NUDCD3: variants seen among roughly 807,000 people sequenced by gnomAD.
NUDCD3 encodes the protein nudC domain-containing protein 3.
In NUDCD3, 13 loss-of-function variants were observed where a neutral mutation model predicts 39.7. The observed-to-expected ratio is 0.33, with a 90% CI of 0.21 to 0.52. NUDCD3 has a LOEUF of 0.52. Among genes scored for constraint, NUDCD3 ranks in the 20% least tolerant of loss-of-function variants. The pLI, the probability that NUDCD3 is intolerant of heterozygous loss-of-function variation, is 0.96. For missense variants in NUDCD3, 453 were observed against 458.1 expected (o/e 0.99, Z 0.10); for synonymous variants, 175 against 172.4 (o/e 1.02, Z -0.12).
intron 2 of NUDCD3, among the ~76,000 whole-genome samples, chr7:44,439,962 ATATT>A (rs1384304036): frequency 2.6e-5 from 4 of 152,200 alleles, no homozygotes; most frequent in East Asian, 3.8e-4. Context: ...TTCCCCCAAA[ATATT>A]TATCAATTCC....
intron 3 of NUDCD3, among the ~76,000 whole-genome samples, chr7:44,417,537 G>C (rs1334708683): frequency 2.6e-5 from 4 of 152,224 alleles, no homozygotes; most frequent in African/African-American, 9.6e-5. Context: ...TCATAGAGCA[G>C]TTCAGAAGAC....
At chr7:44,439,502 T>C (rs2116919926) in intron 2 of NUDCD3, among the ~76,000 whole-genome samples, 1 of 151,914 alleles carries the variant, frequency 6.6e-6, no homozygotes, top group African/African-American at 2.4e-5. Flanking sequence ...CCCTGGACAA[T>C]TCCTTTGGAC....
chr7:44,434,442 G>A (rs1046418424), intron 2 of NUDCD3, among the ~76,000 whole-genome samples: 1 of 152,090 alleles, frequency 6.6e-6, no homozygotes, highest in Non-Finnish European at 1.5e-5. Context: ...CTAGAGGGTG[G>A]TGCCTCCCTG....
intron 2 of NUDCD3, among the ~76,000 whole-genome samples, chr7:44,441,668 A>G (rs932490985): frequency 6.6e-6 from 1 of 152,112 alleles, no homozygotes; most frequent in African/African-American, 2.4e-5. Flanking sequence ...CCCACACATC[A>G]GAGCCGGCCC....
At chr7:44,450,122 G>A (rs181347154) in intron 2 of NUDCD3, among the ~76,000 whole-genome samples, 1 of 151,778 alleles carries the variant, frequency 6.6e-6, no homozygotes, top group East Asian at 1.9e-4. Flanking sequence ...TTGCTTATTA[G>A]GGAACTGCAA....
chr7:44,402,958 G>T, intron 4 of NUDCD3: 1 of 239,048 alleles, frequency 4.2e-6, no homozygotes, highest in Non-Finnish European at 8.6e-6. Context: ...GCAAAGTCAA[G>T]TATGACATAA....
chr7:44,403,797 G>C (rs1798766889), intron 4 of NUDCD3, among the ~76,000 whole-genome samples: 1 of 152,120 alleles, frequency 6.6e-6, no homozygotes, highest in Non-Finnish European at 1.5e-5. Flanking sequence ...ACCATGCCCT[G>C]TAAACACCCC....
At chr7:44,450,473 C>T (rs981035209) in intron 2 of NUDCD3, among the ~76,000 whole-genome samples, 6 of 151,840 alleles carry the variant, frequency 4.0e-5, no homozygotes, top group African/African-American at 9.7e-5. Context: ...CCACTGCGCC[C>T]GGCCAAGAAA....
chr7:44,484,802 T>A (rs939775543), intron 2 of NUDCD3, among the ~76,000 whole-genome samples, 166 bp downstream of exon 2: 1 of 152,174 alleles, frequency 6.6e-6, no homozygotes, highest in African/African-American at 2.4e-5. Flanking sequence ...TGACCTCCCA[T>A]CCTACATAAC....
chr7:44,452,481 T>C, intron 2 of NUDCD3, among the ~76,000 whole-genome samples: 1 of 152,006 alleles, frequency 6.6e-6, no homozygotes, highest in East Asian at 1.9e-4. Context: ...GGCCAGGGTG[T>C]GGACACGCTG....
chr7:44,446,721 T>C (rs1016934298), intron 2 of NUDCD3, among the ~76,000 whole-genome samples: 3 of 152,218 alleles, frequency 2.0e-5, no homozygotes, highest in African/African-American at 7.2e-5. Context: ...TAATAGTCAC[T>C]TCTTATTGCC....
In NUDCD3 at chr7:44,404,434, A is replaced by T. The variant is rs1798778027; in HGVS notation, c.786+6T>A. 6.2e-7 allele frequency: 1 copy of T among 1,613,622 alleles called. No individual in the cohort carries two copies. The highest frequency in any genetic ancestry group is 8.5e-7 in the Non-Finnish European group (1 of 1,179,770). On this transcript the variant is annotated splice_donor_region_variant and intron_variant, in intron 4 of 5. Coordinates refer to ENST00000355451, the MANE Select transcript of NUDCD3 (RefSeq NM_015332.4). ...GGGAGCCCTACACACAGGTGCCCAA[A>T]CTTACCAAAACGCACTTCCCGGGCT...
intron 3 of NUDCD3, among the ~76,000 whole-genome samples, chr7:44,421,853 T>C (rs928555613): frequency 3.3e-5 from 5 of 152,088 alleles, no homozygotes; most frequent in Non-Finnish European, 7.4e-5. Flanking sequence ...CAGCACCACA[T>C]AGCACTTATT....
chr7:44,486,521 G>GA (rs200788958), intron 1 of NUDCD3, among the ~76,000 whole-genome samples: 157 of 145,478 alleles, frequency 1.1e-3, no homozygotes, highest in Admixed American at 2.0e-3. Context: ...AGGCAGAGGG[G>GA]AAAAAAAAAA....
chr7:44,432,797 CA>C (rs1324021632), intron 2 of NUDCD3, among the ~76,000 whole-genome samples: 2 of 152,212 alleles, frequency 1.3e-5, no homozygotes, highest in Admixed American at 1.3e-4. Context: ...CATCTCCTTC[CA>C]TTATCCCAGG....
chr7:44,380,261 C>T lies in NUDCD3; in HGVS notation c.*5750G>A, dbSNP rs1798284403. The stretch of plus-strand genomic sequence containing the variant: ...GCTGTCCCCTCCTTAGGCCTGTTGC[C>T]CCTTCCTCTCTAGACCCTCTGCCTG... On this transcript the variant is annotated 3_prime_UTR_variant, in exon 6 of 6. Transcript: ENST00000355451. 6.5e-6 allele frequency: 1 copy of T among 152,704 alleles called. No individual in the cohort carries two copies. Among genetic ancestry groups the T allele is most frequent in the African/African-American group, 2.4e-5 (1 of 41,446 alleles). 9.5% of individuals were successfully genotyped at this position (152,704 alleles called of 1,614,324 possible). A position where few individuals can be genotyped will look rare whatever the true frequency, so the allele number is the denominator to read the frequency against.
chr7:44,391,216 C>G (rs1798508566), intron 5 of NUDCD3, among the ~76,000 whole-genome samples: 1 of 152,154 alleles, frequency 6.6e-6, no homozygotes. Flanking sequence ...GCCAGTCAAC[C>G]CCACCTTAAC....
At chr7:44,407,329 G>A (rs1313767193) in intron 3 of NUDCD3, among the ~76,000 whole-genome samples, 1 of 151,606 alleles carries the variant, frequency 6.6e-6, no homozygotes, top group African/African-American at 2.4e-5. Flanking sequence ...ACTTTAGGAG[G>A]CCGAGGCAGG....
chr7:44,486,278 T>C (rs1396574675), intron 1 of NUDCD3, among the ~76,000 whole-genome samples: 2 of 152,238 alleles, frequency 1.3e-5, no homozygotes, highest in Non-Finnish European at 2.9e-5. Flanking sequence ...AACAATGTTC[T>C]GTGCACTGCG....
Sources: gnomAD v4.1 joint callset for allele counts (sites outside exome capture counted in the v4.1 genomes callset) on GRCh38, gnomAD v4.1.1 for gene constraint, MANE v1.5 for transcripts, NCBI Gene and HGNC (gene_info 2026-07-23, HGNC 2026-07-21) for gene names.